Variants in DHX37 observed in about 807,000 individuals in gnomAD.
DHX37 encodes the protein DEAH-box helicase 37, also known as probable ATP-dependent RNA helicase DHX37.
Under a neutral mutation model 134.3 loss-of-function variants are expected in DHX37, and 52 were observed. The observed-to-expected ratio is 0.39, with a 90% CI of 0.31 to 0.49. DHX37 has a LOEUF of 0.49. Among genes scored for constraint, DHX37 ranks in the 20% least tolerant of loss-of-function variants. The probability of loss-of-function intolerance (pLI) is 0.93; values close to 1 mark genes in which losing one functional copy is unlikely to be tolerated. For missense variants in DHX37, 1,344 were observed against 1,580.8 expected (o/e 0.85, Z 2.54); for synonymous variants, 634 against 670.7 (o/e 0.95, Z 0.85).
chr12:124,961,260 A>G (rs762055880), intron 15 of DHX37, among the ~76,000 whole-genome samples: 22 of 106,152 alleles, frequency 2.1e-4, no homozygotes, highest in African/African-American at 4.0e-4. Flanking sequence ...ACGCACGCAC[A>G]CACATACACG....
intron 5 of DHX37, among the ~76,000 whole-genome samples, 200 bp downstream of exon 5, chr12:124,977,142 C>T (rs867725330): frequency 1.2e-4 from 18 of 152,292 alleles, no homozygotes; most frequent in African/African-American, 3.1e-4. Context: ...TTAATCCACA[C>T]GACAACCTTG....
rs958759869 is a variant in DHX37 at position 124,980,071 on chromosome 12, G to A, written c.738+419C>T. ...GGAAGGAAACAGGCACAGAGAGGGGGAGCCCCTTCAGTAGCCGGAATATTC... is the reference window on the plus strand; with the variant it reads ...GGAAGGAAACAGGCACAGAGAGGGGAAGCCCCTTCAGTAGCCGGAATATTC... On this transcript the variant is annotated intron_variant, in intron 4 of 26. Coordinates refer to ENST00000308736, the MANE Select transcript of DHX37 (RefSeq NM_032656.4). The surrounding 1 kb of genome is among the most constrained non-coding windows in gnomAD (Gnocchi z 5.3). Among the ~76,000 whole-genome samples, 2 of 152,222 alleles carry A rather than the reference G, an allele frequency of 1.3e-5. No homozygotes were observed. The highest frequency in any genetic ancestry group is 2.4e-5 in the African/African-American group (1 of 41,448).
intron 15 of DHX37, among the ~76,000 whole-genome samples, chr12:124,961,214 GCA>G (rs1174688487): frequency 1.5e-5 from 1 of 66,478 alleles, no homozygotes; most frequent in South Asian, 6.0e-4. Context: ...ACGTGTGCAC[GCA>G]CGCACACGCA....
At chr12:124,955,815 G>A (rs751883277) in intron 18 of DHX37, among the ~76,000 whole-genome samples, 4 of 151,672 alleles carry the variant, frequency 2.6e-5, no homozygotes, top group African/African-American at 4.8e-5. Context: ...GTTTGTTGCC[G>A]TAACTGCCAC....
In DHX37 at chr12:124,947,641, T is replaced by A; in HGVS notation, c.*161A>T. ...ATGGCACGGGCGGCAGCACCCTTCA[T>A]ACGGGATCGAGCTCTCATGGATGAG... On this transcript the variant is annotated 3_prime_UTR_variant, in exon 27 of 27. Transcript: ENST00000308736. 1 of 939,202 alleles carries A rather than the reference T, an allele frequency of 1.1e-6. No individual in the cohort carries two copies. Among genetic ancestry groups the A allele is most frequent in the South Asian group, 1.9e-5 (1 of 51,974 alleles). 58.2% of individuals were successfully genotyped at this position (939,202 alleles called of 1,614,324 possible).
intron 21 of DHX37, 109 bp downstream of exon 21, chr12:124,952,289 G>A (rs1419264178): frequency 3.4e-6 from 4 of 1,168,414 alleles, no homozygotes; most frequent in Non-Finnish European, 4.6e-6. Context: ...CCTCAGTGGG[G>A]ACCCACAGCT....
intron 2 of DHX37, among the ~76,000 whole-genome samples, chr12:124,983,658 G>A (rs1485058190): frequency 5.3e-5 from 8 of 151,852 alleles, no homozygotes; most frequent in Admixed American, 3.3e-4. Context: ...GGTGGCGCAT[G>A]CTTGTGGTAC....
chr12:124,948,107 G>C lies in DHX37; in HGVS notation c.3365C>G (p.Ala1122Gly), dbSNP rs1953908780. Residue 1122 changes from alanine to glycine, a missense_variant, in exon 26 of 27, where the codon GCT (alanine) becomes GGT (glycine). This residue lies in a region of DHX37 where 558 missense variants were observed against 650.0 expected (regional missense o/e 0.86). Transcript: ENST00000308736. ...EKADCHEALL[A>G]AWKKNPKYLL... ...ACATTTGGGGTTTTTCTTCCAAGCA[G>C]CCAGCAAGGCTTCATGGCAGTCAGC... 6.2e-7 allele frequency: 1 copy of C among 1,614,248 alleles called. No homozygotes were observed. Among genetic ancestry groups the C allele is most frequent in the African/African-American group, 1.3e-5 (1 of 75,066 alleles).
At chr12:124,987,987 CTTTTTTTTTT>C (rs11349687) in intron 1 of DHX37, among the ~76,000 whole-genome samples, 2 of 79,694 alleles carry the variant, frequency 2.5e-5, no homozygotes, top group Non-Finnish European at 4.4e-5. Context: ...GTCTGTGGAA[CTTTTTTTTTT>C]TTTTTTTTTT....
chr12:124,980,650 C>T lies in DHX37; in HGVS notation c.578G>A (p.Gly193Glu). The T allele has an allele frequency of 6.2e-7, 1 of 1,604,418 alleles. No individual in the cohort carries two copies. Among genetic ancestry groups the T allele is most frequent in the East Asian group, 2.2e-5 (1 of 44,718 alleles). ...TGGCGGCAGAGGTGCCACGGTGGTC[C>T]CCACACCAGCCTCAGCCGGCTCAGC... ...PAAEPAEAGV[G>E]TTVAPLPPAP... The change falls in exon 4 of 27, where the codon GGG becomes GAG. Residue 193 changes from glycine to glutamate, a missense_variant. By Grantham distance (98) the Gly-to-Glu change is moderately conservative (BLOSUM62 -2). This residue lies in a region of DHX37 where 319 missense variants were observed against 296.1 expected (regional missense o/e 1.08). Coordinates refer to ENST00000308736, the MANE Select transcript of DHX37 (RefSeq NM_032656.4). This position sits in a 1 kb window ranked among gnomAD's most constrained non-coding sequence, Gnocchi z 5.3.
intron 16 of DHX37, among the ~76,000 whole-genome samples, chr12:124,958,897 C>T (rs578182724): frequency 6.3e-4 from 91 of 144,966 alleles, no homozygotes; most frequent in African/African-American, 1.7e-3. Flanking sequence ...GTGCTGTGAG[C>T]CAATGCACCC....
At position 124,949,751 on chromosome 12, in the gene DHX37, G is replaced by A. The variant is rs1953936481; in HGVS notation, c.3290+235C>T. On this transcript the variant is annotated intron_variant, in intron 25 of 26. Coordinates refer to ENST00000308736, the MANE Select transcript of DHX37 (RefSeq NM_032656.4). This position sits in a 1 kb window ranked among gnomAD's most constrained non-coding sequence, Gnocchi z 4.0. The stretch of plus-strand genomic sequence containing the variant: ...CACAGAGAGATGGCCACGTGAAGAT[G>A]GAGGCAGAGACTGGAGTGATGTGGC... 6.6e-6 allele frequency among the ~76,000 whole-genome samples: 1 copy of A among 152,140 alleles called. No homozygotes were observed. The highest frequency in any genetic ancestry group is 2.4e-5 in the African/African-American group (1 of 41,432).
rs552013859 is a variant in DHX37, at chr12:124,969,555, C to T, written c.1192-587G>A. On this transcript the variant is annotated intron_variant, in intron 8 of 26. Coordinates refer to ENST00000308736, the MANE Select transcript of DHX37 (RefSeq NM_032656.4). ...TGCCTCACCCCCGTGCCTTCCGGAC[C>T]CCACCTCACCCTCTCTGCTTGGCCA... 2.0e-5 allele frequency among the ~76,000 whole-genome samples: 3 copies of T among 152,072 alleles called. No homozygotes were observed. In the East Asian group the frequency reaches 5.8e-4, roughly 30 times the overall value.
chr12:124,981,530 G>C (rs1359412733), intron 3 of DHX37, among the ~76,000 whole-genome samples: 4 of 152,090 alleles, frequency 2.6e-5, no homozygotes, highest in Admixed American at 2.0e-4. Context: ...AACCTCCCAG[G>C]CTCAGGTGAT....
chr12:124,963,713 CAAA>C (rs140757458), intron 15 of DHX37, among the ~76,000 whole-genome samples: 4 of 115,420 alleles, frequency 3.5e-5, no homozygotes, highest in Admixed American at 9.0e-5. Context: ...ACTAAAAATA[CAAA>C]AAAAAAAAAA....
At chr12:124,982,910 A>G (rs1954785629) in intron 2 of DHX37, among the ~76,000 whole-genome samples, 2 of 152,142 alleles carry the variant, frequency 1.3e-5, no homozygotes, top group South Asian at 4.1e-4. Context: ...GGAGATGAAT[A>G]AAGCACAGTT....
chr12:124,978,584 T>C (rs1317686237), intron 4 of DHX37, among the ~76,000 whole-genome samples: 19 of 150,376 alleles, frequency 1.3e-4, no homozygotes, highest in African/African-American at 4.6e-4. Flanking sequence ...TCCCAAAGTG[T>C]TGGGATTACA....
rs1156833713 is a variant in DHX37, at chr12:124,949,388, CAGG to C, written c.3290+595_3290+597del. On this transcript the variant is annotated intron_variant, in intron 25 of 26. Transcript: ENST00000308736. The surrounding 1 kb of genome is among the most constrained non-coding windows in gnomAD (Gnocchi z 4.0). ...GGTGTCTGTGGGTCTGGACCACAGG[CAGG>C]AGGAGAGCAGAAGCAGGAGGCAGAG... Among the ~76,000 whole-genome samples, 2 of 152,132 alleles carry C rather than the reference CAGG, an allele frequency of 1.3e-5. No individual in the cohort carries two copies. The highest frequency in any genetic ancestry group is 6.5e-5 in the Admixed American group (1 of 15,276).
chr12:124,953,733 C>T (rs1393764581), intron 20 of DHX37, 147 bp downstream of exon 20: 3 of 1,351,146 alleles, frequency 2.2e-6, no homozygotes, highest in Non-Finnish European at 2.9e-6. Flanking sequence ...TGGAAAAGCT[C>T]CCCAAGTATT....
Sources: gnomAD v4.1 joint callset for allele counts (sites outside exome capture counted in the v4.1 genomes callset) on GRCh38, gnomAD v4.1.1 for gene constraint, gnomAD v4.1.1 regional missense constraint, Gnocchi (gnomAD v3.1) non-coding constraint, MANE v1.5 for transcripts, NCBI Gene and HGNC (gene_info 2026-07-23, HGNC 2026-07-21) for gene names.